Variants in NCOA1 observed in about 807,000 individuals in gnomAD.
NCOA1 encodes nuclear receptor coactivator 1.
In NCOA1, 35 loss-of-function variants were observed where a neutral mutation model predicts 150.9. That is an observed-to-expected ratio of 0.23 (90% CI 0.18 to 0.31). NCOA1 has a LOEUF of 0.31. Ranked by LOEUF, NCOA1 falls within the 10% of genes least tolerant of loss-of-function variation. The pLI is 1.00. For missense variants in NCOA1, 1,491 were observed against 1,749.3 expected (o/e 0.85, Z 2.63); for synonymous variants, 590 against 630.0 (o/e 0.94, Z 0.95).
chr2:24,618,045 A>G (rs1315455547), intron 3 of NCOA1, among the ~76,000 whole-genome samples: 1 of 152,212 alleles, frequency 6.6e-6, no homozygotes. Context: ...TATTTATAGA[A>G]AGAATGCATA....
intron 3 of NCOA1, among the ~76,000 whole-genome samples, chr2:24,642,955 G>C (rs1469901061): frequency 6.6e-6 from 1 of 152,172 alleles, no homozygotes; most frequent in Non-Finnish European, 1.5e-5. Context: ...CAGTTGTCAA[G>C]AGTTAAGGAA....
In NCOA1 at chr2:24,528,399, T is replaced by C. The variant is rs1167887593; in HGVS notation, c.-395-35896T>C. Among the ~76,000 whole-genome samples, 8 of 148,710 alleles carry C rather than the reference T, an allele frequency of 5.4e-5. No individual in the cohort carries two copies. In the East Asian group the frequency reaches 1.4e-3, roughly 26 times the overall value. On this transcript the variant is annotated intron_variant, in intron 1 of 22. Transcript: ENST00000348332. The stretch of plus-strand genomic sequence containing the variant: ...TCTTGCTTTGTTGCCCAGGCTGGAA[T>C]GCAGTGGTTTGATCTTGGCTCACTG...
In NCOA1 at chr2:24,769,132, C is replaced by T. The variant is rs544747582; in HGVS notation, c.*741C>T. On this transcript the variant is annotated 3_prime_UTR_variant, in exon 23 of 23. Transcript: ENST00000348332. ...TGAGTTGTGTCAATTATTGTAGATACAATTTTCTGATTAAATCTGGAAAAA... is the reference window on the plus strand; with the variant it reads ...TGAGTTGTGTCAATTATTGTAGATATAATTTTCTGATTAAATCTGGAAAAA... The T allele has an allele frequency of 1.4e-5, 3 of 207,168 alleles. No individual in the cohort carries two copies. Among genetic ancestry groups the T allele is most frequent in the Admixed American group, 5.9e-5 (1 of 16,886 alleles). 12.8% of individuals were successfully genotyped at this position (207,168 alleles called of 1,614,324 possible). A position where few individuals can be genotyped will look rare whatever the true frequency, so the allele number is the denominator to read the frequency against.
chr2:24,554,410 G>A (rs983884443), intron 1 of NCOA1: 1 of 152,100 alleles, frequency 6.6e-6, no homozygotes, highest in Non-Finnish European at 1.5e-5. Flanking sequence ...TAATAGGCAA[G>A]AGAAAGAGAA....
chr2:24,659,035 C>T (rs1179053044), intron 5 of NCOA1: 2 of 353,186 alleles, frequency 5.7e-6, no homozygotes, highest in East Asian at 4.7e-5. Context: ...CTCTTCCTTC[C>T]ATAACTGTTA....
At chr2:24,759,822 A>G (rs1358377199) in intron 21 of NCOA1, among the ~76,000 whole-genome samples, 1 of 151,804 alleles carries the variant, frequency 6.6e-6, no homozygotes, top group Admixed American at 6.6e-5. Context: ...AATGTATAGA[A>G]CCTCATTACA....
chr2:24,670,605 A>G (rs1255345043), intron 6 of NCOA1, among the ~76,000 whole-genome samples: 1 of 152,234 alleles, frequency 6.6e-6, no homozygotes, highest in East Asian at 1.9e-4. Context: ...TTCCATTTAT[A>G]GGAAATGTCC....
At chr2:24,709,672 A>G (rs1012989206) in intron 13 of NCOA1, among the ~76,000 whole-genome samples, 1 of 152,168 alleles carries the variant, frequency 6.6e-6, no homozygotes, top group Non-Finnish European at 1.5e-5. Context: ...CAATTTGTCA[A>G]TCTTTTCCTT....
At chr2:24,726,472 A>T in intron 14 of NCOA1, 117 bp from the exon 15 acceptor site, 1 of 580,276 alleles carries the variant, frequency 1.7e-6, no homozygotes, top group Non-Finnish European at 3.1e-6. Context: ...TGACCTTTGT[A>T]TCATTGAAGT....
intron 17 of NCOA1, 106 bp from the exon 18 acceptor site, chr2:24,739,326 C>A: frequency 1.3e-6 from 1 of 781,040 alleles, no homozygotes; most frequent in Non-Finnish European, 2.1e-6. Context: ...ACCAAACCTG[C>A]AACACTAAAA....
At chr2:24,538,551 G>T (rs1265971472) in intron 1 of NCOA1, among the ~76,000 whole-genome samples, 1 of 152,170 alleles carries the variant, frequency 6.6e-6, no homozygotes, top group Non-Finnish European at 1.5e-5. Context: ...TGAGAGCTTG[G>T]ATGCGATGTT....
chr2:24,499,682 A>G (rs184145686), intron 1 of NCOA1, among the ~76,000 whole-genome samples: 17 of 152,360 alleles, frequency 1.1e-4, no homozygotes, highest in Non-Finnish European at 2.1e-4. Context: ...TGGTCATACA[A>G]GTTGGAAGCC....
At chr2:24,512,509 C>CT (rs1663977514) in intron 1 of NCOA1, among the ~76,000 whole-genome samples, 1 of 152,078 alleles carries the variant, frequency 6.6e-6, no homozygotes, top group African/African-American at 2.4e-5. Context: ...AAAGTTTATT[C>CT]TTTTTTTCAG....
At chr2:24,671,287 C>T (rs1037427282) in intron 6 of NCOA1, among the ~76,000 whole-genome samples, 3 of 152,046 alleles carry the variant, frequency 2.0e-5, no homozygotes, top group Admixed American at 1.3e-4. Flanking sequence ...ACAATTGTCC[C>T]TTGGTATGTG....
chr2:24,761,484 T>C (rs1188252131), intron 21 of NCOA1, among the ~76,000 whole-genome samples: 1 of 152,198 alleles, frequency 6.6e-6, no homozygotes, highest in Non-Finnish European at 1.5e-5. Flanking sequence ...ATCTCCAACA[T>C]TTTTTTCATA....
chr2:24,512,305 CAG>C (rs751383766), intron 1 of NCOA1, among the ~76,000 whole-genome samples: 31 of 152,128 alleles, frequency 2.0e-4, no homozygotes, highest in Non-Finnish European at 8.8e-5. Context: ...TCAGAAGGAA[CAG>C]GGGTTTAGGA....
intron 3 of NCOA1, among the ~76,000 whole-genome samples, chr2:24,585,327 T>C (rs1481619988): frequency 6.6e-6 from 1 of 152,240 alleles, no homozygotes; most frequent in Non-Finnish European, 1.5e-5. Context: ...TTTGTGCAAA[T>C]ACATTTACCC....
At chr2:24,732,004 G>A (rs576686909) in intron 17 of NCOA1, among the ~76,000 whole-genome samples, 1 of 152,298 alleles carries the variant, frequency 6.6e-6, no homozygotes, top group South Asian at 2.1e-4. Context: ...AAGTGTAGGT[G>A]TGCTAGTTTC....
rs1665270098 is a variant in NCOA1 at position 24,770,549 on chromosome 2, T to G, written c.*2158T>G. On this transcript the variant is annotated 3_prime_UTR_variant, in exon 23 of 23. Coordinates refer to ENST00000348332, the MANE Select transcript of NCOA1 (RefSeq NM_003743.5). Reference sequence around the variant, plus strand: ...GTAATTCCTGTCATTCCACAGGAAATTCACTTTTCCAGCTACTGAATAGAA... The same window carrying G: ...GTAATTCCTGTCATTCCACAGGAAAGTCACTTTTCCAGCTACTGAATAGAA... 1 of 216,816 alleles carries G rather than the reference T, an allele frequency of 4.6e-6. No homozygotes were observed. The allele number at this position is 216,816 out of a possible 1,614,324, so 13.4% of individuals were successfully genotyped here.
Sources: allele counts gnomAD v4.1 joint callset (sites outside exome capture counted in the v4.1 genomes callset), GRCh38; gene constraint gnomAD v4.1.1; transcripts MANE v1.5; gene names NCBI Gene and HGNC (gene_info 2026-07-23, HGNC 2026-07-21).